Variants in OR9Q1 observed in about 807,000 individuals in gnomAD.
OR9Q1 encodes olfactory receptor family 9 subfamily Q member 1.
For missense variants in OR9Q1, 374 were observed against 378.8 expected, an observed-to-expected ratio of 0.99 and a Z score of 0.11; for synonymous variants, 153 against 148.6, an observed-to-expected ratio of 1.03 and a Z score of -0.22.
intron 2 of OR9Q1, among the ~76,000 whole-genome samples, chr11:58,111,935 A>G (rs143074469): frequency 6.6e-6 from 1 of 152,132 alleles, no homozygotes; most frequent in Non-Finnish European, 1.5e-5. Flanking sequence ...GCTTCAGGAC[A>G]TGCTTGACTA....
In OR9Q1 at chr11:58,088,719, A is replaced by G. The variant is rs111978408; in HGVS notation, c.-15+32772A>G. Among the ~76,000 whole-genome samples, 572 of 151,896 alleles carry G rather than the reference A, an allele frequency of 3.8e-3. 13 individuals are homozygous for G. Among genetic ancestry groups the G allele is most frequent in the East Asian group, 0.017 (88 of 5,180 alleles). Reference sequence around the variant, plus strand: ...TTTATGTTCCTTGTGGATTCTGGATATCAGACTTTTGTCAGAAGGGTAGCT... The same window carrying G: ...TTTATGTTCCTTGTGGATTCTGGATGTCAGACTTTTGTCAGAAGGGTAGCT... On this transcript the variant is annotated intron_variant, in intron 2 of 2. Coordinates refer to ENST00000335397, the MANE Select transcript of OR9Q1 (RefSeq NM_001005212.4).
At chr11:58,039,747 G>A (rs1853141929) in intron 1 of OR9Q1, among the ~76,000 whole-genome samples, 1 of 152,200 alleles carries the variant, frequency 6.6e-6, no homozygotes, top group African/African-American at 2.4e-5. Context: ...GGTTGGTGAT[G>A]GCAGATCACA....
At chr11:58,039,268 C>T (rs1216270930) in intron 1 of OR9Q1, among the ~76,000 whole-genome samples, 3 of 152,236 alleles carry the variant, frequency 2.0e-5, no homozygotes, top group Admixed American at 6.5e-5. Context: ...GGATTACTAG[C>T]GTGAGCCACT....
At chr11:58,178,325 T>G (rs1037261229) in intron 2 of OR9Q1, among the ~76,000 whole-genome samples, 1 of 152,184 alleles carries the variant, frequency 6.6e-6, no homozygotes, top group African/African-American at 2.4e-5. Flanking sequence ...CTTTACAAAT[T>G]ATATGGATGC....
At chr11:58,054,451 T>TTACCAA (rs111835891) in intron 1 of OR9Q1, among the ~76,000 whole-genome samples, 5 of 152,210 alleles carry the variant, frequency 3.3e-5, no homozygotes, top group African/African-American at 9.7e-5. Flanking sequence ...AGTGCCATTT[T>TTACCAA]TACCAATACC....
rs748002360 is a variant in OR9Q1, at chr11:58,180,027, C to G, written c.583C>G (p.Gln195Glu). The G allele has an allele frequency of 3.7e-6, 6 of 1,614,020 alleles. No individual in the cohort carries two copies. The highest frequency in any genetic ancestry group is 2.2e-5 in the East Asian group (1 of 44,892). ...LKLTCGESYT[Q>E]EVLIIMFAIF... Reference sequence around the variant, plus strand: ...GTTGACCTGTGGGGAGAGCTACACTCAAGAAGTGCTGATTATTATGTTTGC... The same window carrying G: ...GTTGACCTGTGGGGAGAGCTACACTGAAGAAGTGCTGATTATTATGTTTGC... Residue 195 changes from glutamine (Q) to glutamate (E), a missense_variant, in exon 3 of 3, where the codon CAA (glutamine) becomes GAA (glutamate). Coordinates refer to ENST00000335397, the MANE Select transcript of OR9Q1 (RefSeq NM_001005212.4).
chr11:58,069,279 A>G (rs1036436614), intron 2 of OR9Q1, among the ~76,000 whole-genome samples: 6 of 152,070 alleles, frequency 3.9e-5, no homozygotes, highest in Non-Finnish European at 8.8e-5. Context: ...CGTAGCCTCT[A>G]AACTGTCTGG....
In OR9Q1 at chr11:58,128,990, A is replaced by G. The variant is rs187073414; in HGVS notation, c.-14-50441A>G. Among the ~76,000 whole-genome samples, 14 of 152,232 alleles carry G rather than the reference A, an allele frequency of 9.2e-5. No individual in the cohort carries two copies. The East Asian group carries it at 2.5e-3, about 27-fold the overall frequency. On this transcript the variant is annotated intron_variant, in intron 2 of 2. Coordinates refer to ENST00000335397, the MANE Select transcript of OR9Q1 (RefSeq NM_001005212.4). ...CACTCGTTTCTTTTCATTTCCCACT[A>G]TTCAGGTATTTTAGCTAGGTTATCC...
intron 2 of OR9Q1, among the ~76,000 whole-genome samples, chr11:58,121,997 G>T (rs1854037617): frequency 6.6e-6 from 1 of 152,144 alleles, no homozygotes; most frequent in South Asian, 2.1e-4. Context: ...ATAACAGGCA[G>T]GTCCTCTGGC....
At chr11:58,113,921 G>A (rs73480791) in intron 2 of OR9Q1, among the ~76,000 whole-genome samples, 3,733 of 152,242 alleles carry the variant, frequency 0.025, 156 homozygotes, top group African/African-American at 0.083. Flanking sequence ...TAGGGAAAGA[G>A]CTGGTCCTTG....
rs572056323 is a variant in OR9Q1 at position 58,169,851 on chromosome 11, CT to C, written c.-14-9570del. ...CTGTAGAAAGAAAGCTGTTTTTTTT[CT>C]TTTTTTTTTCCTTTGGTTCTTATTG... is the stretch of plus-strand genomic sequence containing the variant. On this transcript the variant is annotated intron_variant, in intron 2 of 2. Transcript: ENST00000335397. 7.9e-3 allele frequency among the ~76,000 whole-genome samples: 1,174 copies of C among 148,468 alleles called. 10 individuals carry two copies. The highest frequency in any genetic ancestry group is 0.021 in the African/African-American group (852 of 40,454).
chr11:58,024,702 T>G (rs1852953535), intron 1 of OR9Q1, among the ~76,000 whole-genome samples: 1 of 152,214 alleles, frequency 6.6e-6, no homozygotes. Flanking sequence ...TCTTTTTTCC[T>G]GCATGGCACT....
chr11:58,056,564 G>C (rs1247201859), intron 2 of OR9Q1, among the ~76,000 whole-genome samples: 1 of 152,182 alleles, frequency 6.6e-6, no homozygotes, highest in African/African-American at 2.4e-5. Context: ...CATAAATAAA[G>C]TTTTGTTGAA....
At chr11:58,109,330 T>C (rs750744180) in intron 2 of OR9Q1, 1 of 460,730 alleles carries the variant, frequency 2.2e-6, no homozygotes, top group Admixed American at 2.3e-5. Flanking sequence ...CAGGTAACAC[T>C]CTGTGCCTGC....
At chr11:58,164,855 C>T (rs1176701895) in intron 2 of OR9Q1, among the ~76,000 whole-genome samples, 1 of 152,234 alleles carries the variant, frequency 6.6e-6, no homozygotes, top group Non-Finnish European at 1.5e-5. Context: ...CAGGCATGGT[C>T]TCGCCTCAGA....
intron 2 of OR9Q1, among the ~76,000 whole-genome samples, chr11:58,166,825 TA>T (rs1431343337): frequency 6.6e-6 from 1 of 152,086 alleles, no homozygotes; most frequent in East Asian, 1.9e-4. Context: ...GGACCAGGAG[TA>T]GGGGGTGGGA....
intron 2 of OR9Q1, among the ~76,000 whole-genome samples, chr11:58,153,367 C>T (rs1399469338): frequency 6.6e-6 from 1 of 152,002 alleles, no homozygotes. Flanking sequence ...TGGTGAGTTC[C>T]CTTTCCCCGG....
chr11:58,041,692 A>G (rs375956333), intron 1 of OR9Q1: 3 of 152,420 alleles, frequency 2.0e-5, no homozygotes, highest in East Asian at 3.9e-4. Flanking sequence ...TGAAGGGAGA[A>G]AGAGAAACTG....
chr11:58,153,460 G>A (rs1424696131), intron 2 of OR9Q1, among the ~76,000 whole-genome samples: 2 of 152,076 alleles, frequency 1.3e-5, no homozygotes, highest in Non-Finnish European at 2.9e-5. Flanking sequence ...TGAGTGATAT[G>A]GACTCAGGAT....
Sources: allele counts gnomAD v4.1 joint callset (sites outside exome capture counted in the v4.1 genomes callset), GRCh38; gene constraint gnomAD v4.1.1; transcripts MANE v1.5; gene names NCBI Gene and HGNC (gene_info 2026-07-23, HGNC 2026-07-21).